Variants in CD1B observed in about 807,000 individuals in gnomAD.
The protein encoded by CD1B is CD1b molecule.
A neutral mutation model predicts 39.8 loss-of-function variants in CD1B; 43 were observed. The ratio of observed to expected loss-of-function variants is 1.08; its 90% CI spans 0.85 to 1.39. The LOEUF (loss-of-function observed/expected upper bound fraction) is 1.39, where lower values mean the gene tolerates loss of function less well. Among genes scored for constraint, CD1B ranks in the 40% most tolerant of loss-of-function variants. CD1B has a pLI of 0.00. For missense variants in CD1B, 495 were observed against 403.8 expected (o/e 1.23, Z -1.94); for synonymous variants, 192 against 152.5 (o/e 1.26, Z -1.91).
At chr1:158,295,853 C>T in the CD1B span, among the ~76,000 whole-genome samples, 1 of 147,212 alleles carries the variant, frequency 6.8e-6, no homozygotes, top group Non-Finnish European at 1.5e-5. Context: ...CTCACATCAG[C>T]ATGCACCTGC....
At position 158,328,239 on chromosome 1, in the gene CD1B, T is replaced by C; in HGVS notation, c.999A>G (p.Pro333=). 6.2e-7 allele frequency: 1 copy of C among 1,612,348 alleles called. No individual in the cohort carries two copies. Among genetic ancestry groups the C allele is most frequent in the Non-Finnish European group, 8.5e-7 (1 of 1,178,670 alleles). Residue 333 remains proline (P), a synonymous_variant, in exon 6 of 6, where the codon CCA becomes CCG. Transcript: ENST00000368168. ...GGAGAGGAGACATGATGATGGCTCA[T>C]GGGATATTCTGATATGACCTGTTAA... ...YMRRRSYQNI[P] is the part of the protein sequence containing the mutation.
the CD1B span, among the ~76,000 whole-genome samples, chr1:158,306,790 T>A: frequency 6.6e-6 from 1 of 152,016 alleles, no homozygotes; most frequent in African/African-American, 2.4e-5. Context: ...TCAAAGCCGC[T>A]CAACTACATG....
Position 158,331,021 on chromosome 1 carries a change from A to G in CD1B, c.103T>C (p.Ser35Pro). ...TGTGCCCAGGTACTATTGGTAAAGG[A>G]CGAGGTCTGGATAACATGAAAGGAG... Reference protein sequence around the residue: ...PTSFHVIQTSSFTNSTWAQTQ... With the variant: ...PTSFHVIQTSPFTNSTWAQTQ... Residue 35 changes from serine (S) to proline (P), a missense_variant, in exon 2 of 6, where the codon TCC becomes CCC. Transcript: ENST00000368168. 1.2e-6 allele frequency: 2 copies of G among 1,614,118 alleles called. No homozygotes were observed. The highest frequency in any genetic ancestry group is 1.1e-5 in the South Asian group (1 of 91,050).
downstream of CD1B, among the ~76,000 whole-genome samples, chr1:158,326,565 T>C (rs1392195162): frequency 2.6e-5 from 4 of 152,144 alleles, no homozygotes; most frequent in Admixed American, 1.3e-4. Context: ...TGAACAACTA[T>C]ATATTTAATG....
chr1:158,329,269 T>C, intron 4 of CD1B, 101 bp downstream of exon 4: 13 of 1,388,908 alleles, frequency 9.4e-6, no homozygotes, highest in Non-Finnish European at 1.3e-5. Context: ...AATCAATCTC[T>C]CCCTCTTTCA....
the CD1B span, among the ~76,000 whole-genome samples, chr1:158,318,131 T>A: frequency 6.6e-6 from 1 of 152,202 alleles, no homozygotes; most frequent in African/African-American, 2.4e-5. Context: ...GAAAAAAATG[T>A]ATATTCTGTT....
chr1:158,331,354 G>T lies in CD1B; in HGVS notation c.61+9C>A. ...CACCAGTGCTGGGAGCTGCCAGAGT[G>T]ACTCTTACCATGTTCACTGTTACCA... On this transcript the variant is annotated intron_variant, in intron 1 of 5. Coordinates refer to ENST00000368168, the MANE Select transcript of CD1B (RefSeq NM_001764.3). 6.2e-7 allele frequency: 1 copy of T among 1,612,716 alleles called. No homozygotes were observed. The highest frequency in any genetic ancestry group is 1.1e-5 in the South Asian group (1 of 91,036).
chr1:158,293,662 G>A, the CD1B span: 1 of 1,392,224 alleles, frequency 7.2e-7, no homozygotes. Flanking sequence ...TTTTTATATA[G>A]CACTCAACCT....
chr1:158,307,226 C>A, the CD1B span, among the ~76,000 whole-genome samples: 3 of 152,116 alleles, frequency 2.0e-5, no homozygotes, highest in African/African-American at 7.2e-5. Flanking sequence ...CAAATAGACG[C>A]AATAAAAGAT....
chr1:158,308,613 G>A, the CD1B span, among the ~76,000 whole-genome samples: 1 of 152,122 alleles, frequency 6.6e-6, no homozygotes, highest in Non-Finnish European at 1.5e-5. Context: ...AAACAGCATG[G>A]TACTGGTACC....
chr1:158,301,741 G>A, the CD1B span, among the ~76,000 whole-genome samples: 14 of 152,044 alleles, frequency 9.2e-5, no homozygotes, highest in South Asian at 4.2e-4. Flanking sequence ...TTCAACCTTC[G>A]TGAGTCTGAT....
Position 158,329,382 on chromosome 1 carries a change from T to G in CD1B, c.874A>C (p.Ile292Leu), listed in dbSNP as rs201912087. ...KHSSLEGQDI[I>L]LYWRNPTSIG... ...TGCTATTTCTTACTCCAGTAGAGGA[T>G]GATGTCCTGGCCCTCTAAACTGCTG... Residue 292 changes from isoleucine (I) to leucine (L), a missense_variant, in exon 4 of 6, where the codon ATC becomes CTC. Ile to Leu is a conservative substitution (Grantham distance 5). Coordinates refer to ENST00000368168, the MANE Select transcript of CD1B (RefSeq NM_001764.3). 23 of 1,613,636 alleles carry G rather than the reference T, an allele frequency of 1.4e-5. No homozygotes were observed. The East Asian group carries it at 4.7e-4, about 33-fold the overall frequency.
At chr1:158,319,484 G>A in the CD1B span, among the ~76,000 whole-genome samples, 4 of 151,976 alleles carry the variant, frequency 2.6e-5, no homozygotes, top group Non-Finnish European at 4.4e-5. Flanking sequence ...CATTCTTCAC[G>A]TAGTTCTTGA....
chr1:158,292,168 G>T, the CD1B span: 8 of 1,614,074 alleles, frequency 5.0e-6, no homozygotes, highest in African/African-American at 1.3e-5. Flanking sequence ...GCTTTCAACG[G>T]ATTAGATTTA....
At chr1:158,301,700 T>C in the CD1B span, among the ~76,000 whole-genome samples, 1 of 152,214 alleles carries the variant, frequency 6.6e-6, no homozygotes, top group Admixed American at 6.5e-5. Context: ...CCGACTTTTC[T>C]TTCTGGCTGC....
At chr1:158,325,545 T>C (rs930639018), downstream of CD1B, among the ~76,000 whole-genome samples, 1 of 152,158 alleles carries the variant, frequency 6.6e-6, no homozygotes, top group Non-Finnish European at 1.5e-5. Flanking sequence ...GTAATCCATG[T>C]TTAATTGTAG....
chr1:158,310,427 A>T, the CD1B span, among the ~76,000 whole-genome samples: 7 of 152,204 alleles, frequency 4.6e-5, no homozygotes, highest in South Asian at 2.1e-4. Flanking sequence ...TTCATGATGA[A>T]GACTTCAAAA....
chr1:158,326,853 G>A (rs1418248923), downstream of CD1B, among the ~76,000 whole-genome samples: 1 of 152,094 alleles, frequency 6.6e-6, no homozygotes, highest in Non-Finnish European at 1.5e-5. Context: ...CTGGAGTGCA[G>A]TGGCACAATC....
chr1:158,298,791 T>A, the CD1B span, among the ~76,000 whole-genome samples: 5 of 152,222 alleles, frequency 3.3e-5, no homozygotes, highest in South Asian at 8.3e-4. Flanking sequence ...TGAATGGGAG[T>A]TCACTCATGA....
Sources: gnomAD v4.1 joint callset for allele counts (sites outside exome capture counted in the v4.1 genomes callset) on GRCh38, gnomAD v4.1.1 for gene constraint, MANE v1.5 for transcripts, NCBI Gene and HGNC (gene_info 2026-07-23, HGNC 2026-07-21) for gene names.